The following EXD1 variants were observed in gnomAD, a reference collection of about 807,000 sequenced individuals.
EXD1 encodes piRNA biogenesis protein EXD1.
In EXD1, 63 loss-of-function variants were observed where a neutral mutation model predicts 49.1. That is an observed-to-expected ratio of 1.28 (90% CI 1.05 to 1.58). EXD1 has a LOEUF of 1.58. Ranked by LOEUF, EXD1 falls within the 40% of genes most tolerant of loss-of-function variation. The pLI is 0.00. For synonymous variants in EXD1, 234 were observed against 239.2 expected (o/e 0.98, Z 0.20); for missense variants, 748 against 666.0 (o/e 1.12, Z -1.36).
chr15:41,226,207 A>C (rs1381093350), intron 2 of EXD1, among the ~76,000 whole-genome samples: 1 of 151,748 alleles, frequency 6.6e-6, no homozygotes, highest in Admixed American at 6.6e-5. Context: ...AGCCATGATC[A>C]CGCCACTGCA....
chr15:41,212,738 C>A (rs1402643098), intron 6 of EXD1, among the ~76,000 whole-genome samples: 2 of 152,110 alleles, frequency 1.3e-5, no homozygotes, highest in Non-Finnish European at 2.9e-5. Flanking sequence ...TATATCCATA[C>A]AATAGAATAT....
chr15:41,215,685 CA>C (rs113812559), intron 6 of EXD1, 89 bp downstream of exon 6: 29,477 of 1,060,262 alleles, frequency 0.028, no homozygotes, highest in Non-Finnish European at 0.03. Context: ...GACTCCGTCT[CA>C]AAAAAAAAAA....
rs750912111 is a variant in EXD1 at position 41,189,991 on chromosome 15, A to C, written c.1002T>G (p.Asp334Glu). 1.2e-6 allele frequency: 2 copies of C among 1,614,118 alleles called. No homozygotes were observed. Among genetic ancestry groups the C allele is most frequent in the Middle Eastern group, 1.6e-4 (1 of 6,062 alleles). ...EMMSDLTTLV[D>E]GYLNTYREGS... Reference sequence around the variant, plus strand: ...CTTCGCGATACGTGTTTAGGTAACCATCCACCAGGGTGGTTAGGTCAGACA... The same window carrying C: ...CTTCGCGATACGTGTTTAGGTAACCCTCCACCAGGGTGGTTAGGTCAGACA... The change falls in exon 11 of 12, where the codon GAT becomes GAG. Residue 334 changes from aspartate (D) to glutamate (E), a missense_variant. Coordinates refer to ENST00000458580, the MANE Select transcript of EXD1 (RefSeq NM_001286441.2).
Position 41,184,216 on chromosome 15 carries a change from C to T in EXD1, c.1434G>A (p.Glu478=). The part of the protein sequence containing the change: ...KLICTKSKGS[E]DQRITQKEHF... ...GTTCTTTCTGAGTTATTCTCTGGTCCTCTGACCCCTTTGACTTTGTGCAAA... is the reference window on the plus strand; with the variant it reads ...GTTCTTTCTGAGTTATTCTCTGGTCTTCTGACCCCTTTGACTTTGTGCAAA... Residue 478 remains glutamate (E), a synonymous_variant, in exon 12 of 12, where the codon GAG becomes GAA. Coordinates refer to ENST00000458580, the MANE Select transcript of EXD1 (RefSeq NM_001286441.2). 6.2e-7 allele frequency: 1 copy of T among 1,614,098 alleles called. No homozygotes were observed. The highest frequency in any genetic ancestry group is 8.5e-7 in the Non-Finnish European group (1 of 1,180,024).
intron 2 of EXD1, among the ~76,000 whole-genome samples, chr15:41,224,415 T>C (rs8039915): frequency 0.29 from 44,255 of 151,960 alleles, 9,037 homozygotes; most frequent in African/African-American, 0.58. Context: ...CAAAATTTGG[T>C]TTCATAACAT....
At chr15:41,211,021 C>G (rs1471445026) in intron 6 of EXD1, among the ~76,000 whole-genome samples, 1 of 152,132 alleles carries the variant, frequency 6.6e-6, no homozygotes, top group Non-Finnish European at 1.5e-5. Flanking sequence ...ATGAGAATTC[C>G]TAATTACCTC....
At chr15:41,222,492 T>C (rs2047103565) in intron 2 of EXD1, among the ~76,000 whole-genome samples, 1 of 152,206 alleles carries the variant, frequency 6.6e-6, no homozygotes, top group Admixed American at 6.5e-5. Flanking sequence ...CACTCCACTT[T>C]CCTAATTCAA....
At chr15:41,205,007 C>A (rs999786061) in intron 7 of EXD1, among the ~76,000 whole-genome samples, 2 of 152,208 alleles carry the variant, frequency 1.3e-5, no homozygotes, top group African/African-American at 2.4e-5. Flanking sequence ...TAGATCATAT[C>A]TTTTTGTTCA....
At chr15:41,215,635 A>C in intron 6 of EXD1, 140 bp downstream of exon 6, 1 of 785,600 alleles carries the variant, frequency 1.3e-6, no homozygotes, top group South Asian at 1.6e-5. Context: ...GCAGTGAGCC[A>C]AGATTGGTCC....
At chr15:41,209,321 G>A (rs1292183985) in intron 7 of EXD1, among the ~76,000 whole-genome samples, 180 bp downstream of exon 7, 1 of 152,100 alleles carries the variant, frequency 6.6e-6, no homozygotes, top group Non-Finnish European at 1.5e-5. Context: ...AGGCTAAAGT[G>A]AGGATAGACA....
intron 9 of EXD1, 98 bp from the exon 10 acceptor site, chr15:41,191,683 C>T (rs2046520882): frequency 8.5e-7 from 1 of 1,183,314 alleles, no homozygotes; most frequent in Non-Finnish European, 1.2e-6. Context: ...ATAACATTTT[C>T]CCCAAGGACC....
intron 7 of EXD1, among the ~76,000 whole-genome samples, chr15:41,204,792 A>G (rs1470412933): frequency 6.6e-6 from 1 of 152,174 alleles, no homozygotes; most frequent in Admixed American, 6.6e-5. Context: ...ATACACACAC[A>G]TATAGATAAA....
intron 11 of EXD1, 61 bp from the exon 12 acceptor site, chr15:41,184,654 A>AGTTTATTATAACTAAACT: frequency 2.1e-6 from 3 of 1,420,096 alleles, no homozygotes; most frequent in Non-Finnish European, 2.8e-6. Context: ...GGTACTTAAA[A>AGTTTATTATAACTAAACT]TCACTTTTTT....
chr15:41,194,062 A>G (rs2046573345), intron 9 of EXD1, among the ~76,000 whole-genome samples: 1 of 121,930 alleles, frequency 8.2e-6, no homozygotes, highest in Non-Finnish European at 1.6e-5. Flanking sequence ...CCCAGGCTGG[A>G]GTGCAGTGGT....
chr15:41,215,888 T>G, intron 5 of EXD1, 55 bp from the exon 6 acceptor site: 1 of 1,586,574 alleles, frequency 6.3e-7, no homozygotes, highest in Non-Finnish European at 8.6e-7. Context: ...ACAGAATAGC[T>G]TTCTCAATAA....
chr15:41,220,375 A>G (rs112103916), intron 2 of EXD1, among the ~76,000 whole-genome samples: 24,567 of 151,824 alleles, frequency 0.16, 3,673 homozygotes, highest in African/African-American at 0.4. Context: ...GGTTCAAGCA[A>G]TTCTCCTGCC....
chr15:41,198,557 G>A (rs1315451087), intron 7 of EXD1, among the ~76,000 whole-genome samples: 2 of 151,842 alleles, frequency 1.3e-5, no homozygotes, highest in Non-Finnish European at 2.9e-5. Context: ...TGAGCATGGT[G>A]GTGCACCTGT....
chr15:41,189,861 G>T, intron 11 of EXD1, 76 bp downstream of exon 11: 1 of 1,435,720 alleles, frequency 7.0e-7, no homozygotes, highest in Non-Finnish European at 9.6e-7. Context: ...TCGCAGCTAT[G>T]AAGAAAGGGT....
chr15:41,191,387 G>A (rs981005807), intron 10 of EXD1, 55 bp downstream of exon 10: 2 of 1,518,014 alleles, frequency 1.3e-6, no homozygotes, highest in Non-Finnish European at 1.8e-6. Context: ...TGATAATACT[G>A]CTCAGAAAAC....
Sources: gnomAD v4.1 joint callset for allele counts (sites outside exome capture counted in the v4.1 genomes callset) on GRCh38, gnomAD v4.1.1 for gene constraint, MANE v1.5 for transcripts, NCBI Gene and HGNC (gene_info 2026-07-23, HGNC 2026-07-21) for gene names.